The following PCYT1B variants were observed in gnomAD, a reference collection of about 807,000 sequenced individuals.
PCYT1B encodes the protein phosphate cytidylyltransferase 1B, choline.
In PCYT1B, 10 loss-of-function variants were observed where a neutral mutation model predicts 26.4. The ratio of observed to expected loss-of-function variants is 0.38; its 90% CI spans 0.23 to 0.64. The LOEUF is 0.64. Among genes scored for constraint, PCYT1B ranks in the 30% least tolerant of loss-of-function variants. The pLI, the probability that PCYT1B is intolerant of heterozygous loss-of-function variation, is 0.56. For synonymous variants in PCYT1B, 131 were observed against 108.4 expected (o/e 1.21, Z -1.29); for missense variants, 161 against 292.7 (o/e 0.55, Z 3.28).
rs947760926 is a variant in PCYT1B, at chrX:24,558,772, G to A, written c.*3521C>T. 5 of 109,586 alleles carry A rather than the reference G, an allele frequency of 4.6e-5. No individual in the cohort carries two copies. Among genetic ancestry groups the A allele is most frequent in the African/African-American group, 1.7e-4 (5 of 30,106 alleles). The allele number at this position is 109,586 out of a possible 1,213,427, so 9.0% of individuals were successfully genotyped here. A position where few individuals can be genotyped will look rare whatever the true frequency, so the allele number is the denominator to read the frequency against. On this transcript the variant is annotated 3_prime_UTR_variant, in exon 8 of 8. Transcript: ENST00000379144. ...GCCTTGGTAAGGTCCTGACACACAG[G>A]AGCATGCTTGCCAGAAGCAAGTCGT...
chrX:24,582,367 G>A (rs907918403), intron 5 of PCYT1B, among the ~76,000 whole-genome samples: 2 of 112,439 alleles, frequency 1.8e-5, no homozygotes, highest in Non-Finnish European at 3.8e-5. Flanking sequence ...GGCTTAGGGA[G>A]AGATTTGCTT....
intron 1 of PCYT1B, among the ~76,000 whole-genome samples, chrX:24,656,229 C>CTGG (rs1555966018): frequency 2.3e-5 from 1 of 43,966 alleles, no homozygotes; most frequent in Non-Finnish European, 3.9e-5. Context: ...CAGGGGGTCG[C>CTGG]GGGGGGGGGT....
intron 1 of PCYT1B, among the ~76,000 whole-genome samples, chrX:24,641,706 CATT>C (rs1926470024): frequency 8.9e-6 from 1 of 112,132 alleles, no homozygotes; most frequent in African/African-American, 3.2e-5. Flanking sequence ...TATAAGATCT[CATT>C]AATAATTTTT....
intron 2 of PCYT1B, among the ~76,000 whole-genome samples, chrX:24,616,757 G>GCTTT (rs1925512151): frequency 1.8e-5 from 2 of 111,810 alleles, no homozygotes; most frequent in South Asian, 7.5e-4. Flanking sequence ...ACTAAAGCCT[G>GCTTT]GGAACAACAG....
upstream of PCYT1B, among the ~76,000 whole-genome samples, chrX:24,652,332 G>C (rs892667606): frequency 2.7e-5 from 3 of 112,032 alleles, no homozygotes; most frequent in Admixed American, 1.9e-4. Flanking sequence ...GCCAAGGCGG[G>C]CGGATCACCT....
At chrX:24,652,077 T>A (rs1410767030), upstream of PCYT1B, among the ~76,000 whole-genome samples, 1 of 111,952 alleles carries the variant, frequency 8.9e-6, no homozygotes, top group Non-Finnish European at 1.9e-5. Flanking sequence ...CCAGAGAATG[T>A]TTAGGAACAG....
intron 2 of PCYT1B, among the ~76,000 whole-genome samples, chrX:24,618,442 G>C (rs959713495): frequency 9.0e-6 from 1 of 111,353 alleles, no homozygotes; most frequent in African/African-American, 3.3e-5. Context: ...ACTAACAAGT[G>C]ACAAAGCTGG....
intron 5 of PCYT1B, among the ~76,000 whole-genome samples, chrX:24,582,930 T>G (rs1924251116): frequency 8.9e-6 from 1 of 112,095 alleles, no homozygotes; most frequent in African/African-American, 3.2e-5. Context: ...TGCTAAGGAA[T>G]CAGCAGAGCA....
chrX:24,596,709 T>G (rs966607154), intron 3 of PCYT1B, among the ~76,000 whole-genome samples: 1 of 111,143 alleles, frequency 9.0e-6, no homozygotes, highest in African/African-American at 3.3e-5. Context: ...TATCACAGTT[T>G]CTGGTCCTTT....
At chrX:24,655,963 CAA>C (rs1159221148) in intron 1 of PCYT1B, among the ~76,000 whole-genome samples, 10 of 49,601 alleles carry the variant, frequency 2.0e-4, no homozygotes, top group African/African-American at 3.7e-4. Flanking sequence ...ACTAAAAATA[CAA>C]AAAAAAAAAA....
At chrX:24,614,095 C>A (rs902418047) in intron 2 of PCYT1B, among the ~76,000 whole-genome samples, 2 of 111,684 alleles carry the variant, frequency 1.8e-5, no homozygotes, top group South Asian at 7.5e-4. Context: ...ATTCTCCATG[C>A]ATCAGAATAC....
chrX:24,670,088 GAAAGAAAGA>G (rs1927214699), intron 1 of PCYT1B, among the ~76,000 whole-genome samples: 2 of 89,225 alleles, frequency 2.2e-5, no homozygotes, highest in East Asian at 3.7e-4. Context: ...AAGAAAGAAA[GAAAGAAAGA>G]AAGAAAGAAA....
At chrX:24,635,604 A>T in intron 1 of PCYT1B, among the ~76,000 whole-genome samples, 1 of 111,760 alleles carries the variant, frequency 8.9e-6, no homozygotes, top group African/African-American at 3.3e-5. Flanking sequence ...TTACAAGAAA[A>T]CTGTAACTAC....
At chrX:24,654,885 T>C (rs1926873205) in intron 1 of PCYT1B, among the ~76,000 whole-genome samples, 1 of 110,670 alleles carries the variant, frequency 9.0e-6, no homozygotes, top group Non-Finnish European at 1.9e-5. Context: ...GGAATTTTGC[T>C]ACTTTTATGT....
intron 7 of PCYT1B, 55 bp from the exon 8 acceptor site, chrX:24,562,560 C>G: frequency 9.3e-7 from 1 of 1,080,560 alleles, no homozygotes; most frequent in Non-Finnish European, 1.3e-6. Context: ...GAGGCAGCAG[C>G]AAAACAAAAA....
At chrX:24,637,162 A>T (rs1413447079) in intron 1 of PCYT1B, among the ~76,000 whole-genome samples, 1 of 110,153 alleles carries the variant, frequency 9.1e-6, no homozygotes, top group African/African-American at 3.3e-5. Flanking sequence ...AACACAGCAG[A>T]TATGACTGGG....
chrX:24,633,477 C>T (rs1926173204), intron 1 of PCYT1B, among the ~76,000 whole-genome samples: 1 of 110,555 alleles, frequency 9.0e-6, no homozygotes. Context: ...AGTTCTACAC[C>T]AGCCTGGCCA....
chrX:24,636,925 G>A (rs1039261221), intron 1 of PCYT1B, among the ~76,000 whole-genome samples: 3 of 111,638 alleles, frequency 2.7e-5, no homozygotes, highest in African/African-American at 9.8e-5. Context: ...TTGTGTGAGT[G>A]TACTACAATT....
Position 24,560,044 on chromosome X carries a change from T to C in PCYT1B, c.*2249A>G, listed in dbSNP as rs1394146850. 1 of 111,936 alleles carries C rather than the reference T, an allele frequency of 8.9e-6. No individual in the cohort carries two copies. Among genetic ancestry groups the C allele is most frequent in the Non-Finnish European group, 1.9e-5 (1 of 53,199 alleles). 9.2% of individuals were successfully genotyped at this position (111,936 alleles called of 1,213,427 possible). On this transcript the variant is annotated 3_prime_UTR_variant, in exon 8 of 8. Transcript: ENST00000379144. ...TCTGATGAGTCACGTAAGTGGCACCTGTCAGTATGGCGTGTAAGGCCTGCA... is the reference window on the plus strand; with the variant it reads ...TCTGATGAGTCACGTAAGTGGCACCCGTCAGTATGGCGTGTAAGGCCTGCA...
Sources: allele counts gnomAD v4.1 joint callset (sites outside exome capture counted in the v4.1 genomes callset), GRCh38; gene constraint gnomAD v4.1.1; transcripts MANE v1.5; gene names NCBI Gene and HGNC (gene_info 2026-07-23, HGNC 2026-07-21).